KLF8: variants seen among roughly 807,000 people sequenced by gnomAD.
KLF8 encodes the protein KLF transcription factor 8, also known as Krueppel-like factor 8.
Under a neutral mutation model 18.2 loss-of-function variants are expected in KLF8, and 10 were observed. The observed-to-expected ratio is 0.55, with a 90% CI of 0.34 to 0.93. The LOEUF is 0.93. KLF8 is among the 40% of genes least tolerant of loss of function. KLF8 has a pLI of 0.02. For synonymous variants in KLF8, 109 were observed against 97.3 expected, an observed-to-expected ratio of 1.12 and a Z score of -0.71; for missense variants, 264 against 277.9, an observed-to-expected ratio of 0.95 and a Z score of 0.36.
the KLF8 span, among the ~76,000 whole-genome samples, chrX:56,103,880 C>A: frequency 3.6e-5 from 4 of 110,738 alleles, no homozygotes; most frequent in African/African-American, 6.5e-5. Context: ...TTTTGAGATA[C>A]GTCCCATCAA....
chrX:56,110,476 G>A, the KLF8 span, among the ~76,000 whole-genome samples: 3 of 111,651 alleles, frequency 2.7e-5, no homozygotes, highest in South Asian at 3.7e-4. Context: ...ACTACTAATC[G>A]GAAGGACTTC....
the KLF8 span, among the ~76,000 whole-genome samples, chrX:56,117,754 C>T: frequency 8.9e-6 from 1 of 111,796 alleles, no homozygotes; most frequent in African/African-American, 3.3e-5. Flanking sequence ...TAATCTAATC[C>T]TTGTGTCAGT....
chrX:56,085,341 G>T, the KLF8 span, among the ~76,000 whole-genome samples: 1 of 112,175 alleles, frequency 8.9e-6, no homozygotes, highest in East Asian at 2.8e-4. Context: ...GCAAGCTGGT[G>T]ACTCAGAAAA....
At chrX:55,960,007 C>G in the KLF8 span, among the ~76,000 whole-genome samples, 1 of 111,530 alleles carries the variant, frequency 9.0e-6, no homozygotes, top group East Asian at 2.8e-4. Flanking sequence ...AGGGGCAGGT[C>G]ATGTACAAAG....
chrX:56,206,870 C>T, the KLF8 span, among the ~76,000 whole-genome samples: 1 of 112,853 alleles, frequency 8.9e-6, no homozygotes, highest in Non-Finnish European at 1.9e-5. Flanking sequence ...TCTACCCCTG[C>T]AGCAAACTTC....
chrX:56,153,875 G>A, the KLF8 span, among the ~76,000 whole-genome samples: 1 of 111,343 alleles, frequency 9.0e-6, no homozygotes, highest in Non-Finnish European at 1.9e-5. Flanking sequence ...ACTTACAAGG[G>A]ATGTGAAGGA....
chrX:56,019,691 A>T, the KLF8 span, among the ~76,000 whole-genome samples: 1 of 112,146 alleles, frequency 8.9e-6, no homozygotes. Flanking sequence ...TGCATATAGA[A>T]GTAATAGTAG....
chrX:56,185,614 C>T, the KLF8 span, among the ~76,000 whole-genome samples: 1 of 111,848 alleles, frequency 8.9e-6, no homozygotes, highest in Non-Finnish European at 1.9e-5. Flanking sequence ...ATGTTAAGAG[C>T]AGCCAGAGAG....
chrX:56,164,729 C>CTTTTTTTTTTTTTTTTTTTTATTTTTT, the KLF8 span, among the ~76,000 whole-genome samples: 4 of 51,901 alleles, frequency 7.7e-5, no homozygotes, highest in Admixed American at 2.5e-4. Context: ...CTTGTTATCT[C>CTTTTTTTTTTTTTTTTTTTTATTTTTT]TTTTTTTTTT....
At chrX:56,048,932 C>G in the KLF8 span, among the ~76,000 whole-genome samples, 23 of 111,841 alleles carry the variant, frequency 2.1e-4, no homozygotes, top group Admixed American at 4.8e-4. Flanking sequence ...TTTGTATCCT[C>G]TTTTGTTTCA....
chrX:56,176,390 G>A, the KLF8 span, among the ~76,000 whole-genome samples: 1 of 111,590 alleles, frequency 9.0e-6, no homozygotes, highest in Non-Finnish European at 1.9e-5. Context: ...ATGAAATTCT[G>A]GTTTGAATAT....
chrX:56,077,752 T>C, the KLF8 span, among the ~76,000 whole-genome samples: 1 of 112,014 alleles, frequency 8.9e-6, no homozygotes, highest in African/African-American at 3.3e-5. Flanking sequence ...ATTTTCATGA[T>C]ACTGATTCTT....
the KLF8 span, among the ~76,000 whole-genome samples, chrX:56,195,816 T>C: frequency 7.2e-5 from 8 of 111,485 alleles, no homozygotes; most frequent in African/African-American, 2.3e-4. Flanking sequence ...GAAAAAGTTT[T>C]GAGGGCAGCC....
At chrX:56,174,527 T>C in the KLF8 span, among the ~76,000 whole-genome samples, 1 of 112,110 alleles carries the variant, frequency 8.9e-6, no homozygotes, top group African/African-American at 3.2e-5. Flanking sequence ...TTTGCATCGA[T>C]GTTCATCAAG....
intron 2 of KLF8, among the ~76,000 whole-genome samples, chrX:56,256,191 A>G (rs2066792747): frequency 9.0e-6 from 1 of 111,714 alleles, no homozygotes; most frequent in African/African-American, 3.3e-5. Context: ...AGTGGCTACT[A>G]ATGATCCTTT....
rs183856912 is a variant in KLF8 at position 56,264,460 on chromosome X, A to T, written c.82-720A>T. Among the ~76,000 whole-genome samples the T allele has an allele frequency of 5.0e-3, 547 of 110,403 alleles. 15 individuals are homozygous for T. The highest frequency in any genetic ancestry group is 6.5e-3 in the Non-Finnish European group (344 of 52,791). ...TTTTAAACTAATAAATTTATTTATT[A>T]GTTTAAATCATTTATGATCATTTAG... On this transcript the variant is annotated intron_variant, in intron 2 of 5. Coordinates refer to ENST00000468660, the MANE Select transcript of KLF8 (RefSeq NM_007250.5).
chrX:56,174,081 C>T, the KLF8 span, among the ~76,000 whole-genome samples: 1 of 111,389 alleles, frequency 9.0e-6, no homozygotes, highest in Non-Finnish European at 1.9e-5. Flanking sequence ...ATTGAATAAC[C>T]TTTATTTCCT....
At chrX:56,185,925 A>T in the KLF8 span, among the ~76,000 whole-genome samples, 1 of 112,353 alleles carries the variant, frequency 8.9e-6, no homozygotes, top group South Asian at 3.7e-4. Flanking sequence ...AAAACATGCC[A>T]AATTGTAAAG....
the KLF8 span, among the ~76,000 whole-genome samples, chrX:55,956,584 C>T: frequency 9.0e-6 from 1 of 111,441 alleles, no homozygotes; most frequent in African/African-American, 3.3e-5. Flanking sequence ...TTCTGCTTTT[C>T]TTTTGATAGT....
Sources: allele counts gnomAD v4.1 joint callset (sites outside exome capture counted in the v4.1 genomes callset), GRCh38; gene constraint gnomAD v4.1.1; transcripts MANE v1.5; gene names NCBI Gene and HGNC (gene_info 2026-07-23, HGNC 2026-07-21).